Variants in GRIN1 observed in about 807,000 individuals in gnomAD.
GRIN1 encodes the protein glutamate receptor ionotropic, NMDA 1.
Under a neutral mutation model 103.0 loss-of-function variants are expected in GRIN1, and 38 were observed. That is an observed-to-expected ratio of 0.37 (90% CI 0.28 to 0.48). The LOEUF (loss-of-function observed/expected upper bound fraction) is 0.48. Ranked by LOEUF, GRIN1 falls within the 20% of genes least tolerant of loss-of-function variation. GRIN1 has a pLI of 0.98. For missense variants in GRIN1, 577 were observed against 1,288.9 expected (o/e 0.45, Z 8.46); for synonymous variants, 544 against 532.7 (o/e 1.02, Z -0.29).
intron 4 of GRIN1, among the ~76,000 whole-genome samples, chr9:137,150,220 G>C (rs1453389125): frequency 1.3e-5 from 2 of 152,230 alleles, no homozygotes; most frequent in African/African-American, 4.8e-5. Flanking sequence ...GGGAGGGTTG[G>C]CCTGGGCTCC....
rs149743664 is a variant in GRIN1, at chr9:137,146,031, G to A, written c.570+129G>A. 128 of 694,204 alleles carry A rather than the reference G, an allele frequency of 1.8e-4. No individual in the cohort carries two copies. Among genetic ancestry groups the A allele is most frequent in the Non-Finnish European group, 9.8e-5 (40 of 406,946 alleles). 43.0% of individuals were successfully genotyped at this position (694,204 alleles called of 1,614,324 possible). The stretch of plus-strand genomic sequence containing the variant: ...CATGGTCAGCACCACCACGTCTGGC[G>A]AGCGCCCGCCCCAGCCTGTCCTCGG... On this transcript the variant is annotated intron_variant, in intron 3 of 19. Coordinates refer to ENST00000371561, the MANE Select transcript of GRIN1 (RefSeq NM_007327.4). The surrounding 1 kb of genome is among the most constrained non-coding windows in gnomAD (Gnocchi z 6.7).
chr9:137,148,051 C>T (rs375127823), intron 3 of GRIN1: 2 of 750,714 alleles, frequency 2.7e-6, no homozygotes, highest in African/African-American at 1.8e-5. Flanking sequence ...CGTCTGCAGA[C>T]GTGCCGAGGA....
intron 4 of GRIN1, among the ~76,000 whole-genome samples, chr9:137,150,687 GA>G (rs749479976): frequency 4.0e-5 from 5 of 124,476 alleles, no homozygotes; most frequent in African/African-American, 9.3e-5. Context: ...GCCCCGCCCA[GA>G]AAAAAAGACC....
intron 4 of GRIN1, among the ~76,000 whole-genome samples, chr9:137,150,553 C>A (rs1832790053): frequency 6.8e-6 from 1 of 146,250 alleles, no homozygotes; most frequent in Non-Finnish European, 1.5e-5. Context: ...GAAAGCCCAG[C>A]CCAGAAAAAA....
Position 137,139,705 on chromosome 9 carries a change from G to A in GRIN1, c.219G>A (p.Gln73=). The change falls in exon 1 of 20, where the codon CAG becomes CAA. Residue 73 remains glutamine (Q), a synonymous_variant. Coordinates refer to ENST00000371561, the MANE Select transcript of GRIN1 (RefSeq NM_007327.4). The surrounding 1 kb of genome is among the most constrained non-coding windows in gnomAD (Gnocchi z 7.7). ...TSVTHKPNAI[Q]MALSVCEDLI... is the part of the protein sequence containing the mutation. ...TCACGCACAAGCCCAACGCCATCCA[G>A]ATGGCTCTGTCGGTGTGCGAGGACC... 1 of 1,613,938 alleles carries A rather than the reference G, an allele frequency of 6.2e-7. No individual in the cohort carries two copies. Among genetic ancestry groups the A allele is most frequent in the South Asian group, 1.1e-5 (1 of 91,080 alleles).
chr9:137,166,161 C>T (rs868196577), intron 19 of GRIN1, among the ~76,000 whole-genome samples: 4 of 152,182 alleles, frequency 2.6e-5, no homozygotes, highest in African/African-American at 4.8e-5. Flanking sequence ...GGAAGGGAAA[C>T]GACCACCTCA....
chr9:137,158,302 A>C (rs1001302691), intron 6 of GRIN1, 77 bp from the exon 7 acceptor site: 3 of 1,504,492 alleles, frequency 2.0e-6, no homozygotes, highest in African/African-American at 2.7e-5. Flanking sequence ...AGCAGGGAGA[A>C]GCAGCAGGGG....
rs943962210 is a variant in GRIN1, at chr9:137,158,836, C to A, written c.1197+132C>A. 20 of 720,510 alleles carry A rather than the reference C, an allele frequency of 2.8e-5. No homozygotes were observed. The Admixed American group carries it at 3.7e-4, about 13-fold the overall frequency. 44.6% of individuals were successfully genotyped at this position (720,510 alleles called of 1,614,324 possible). ...GAAGTGGGGGTGGGGCCTGCTTCCC[C>A]TGGACACCGTCCAGCACACCTGGCA... is the stretch of plus-strand genomic sequence containing the variant. On this transcript the variant is annotated intron_variant, in intron 8 of 19. Transcript: ENST00000371561.
chr9:137,154,416 C>T (rs1442909946), intron 4 of GRIN1, among the ~76,000 whole-genome samples: 1 of 145,792 alleles, frequency 6.9e-6, no homozygotes, highest in Admixed American at 7.0e-5. Context: ...TCAGCCACCA[C>T]CCCCAGCTCC....
At position 137,139,791 on chromosome 9, in the gene GRIN1, G is replaced by A; in HGVS notation, c.258+47G>A. Reference sequence around the variant, plus strand: ...ACCCACCTCCCCTCTCCTCCATCCTGCAACCCCACACCCCCAGTTTCATTC... The same window carrying A: ...ACCCACCTCCCCTCTCCTCCATCCTACAACCCCACACCCCCAGTTTCATTC... On this transcript the variant is annotated intron_variant, in intron 1 of 19. Coordinates refer to ENST00000371561, the MANE Select transcript of GRIN1 (RefSeq NM_007327.4). The surrounding 1 kb of genome is among the most constrained non-coding windows in gnomAD (Gnocchi z 7.7). 2 of 1,409,596 alleles carry A rather than the reference G, an allele frequency of 1.4e-6. No individual in the cohort carries two copies. The highest frequency in any genetic ancestry group is 2.0e-6 in the Non-Finnish European group (2 of 999,966). The allele number at this position is 1,409,596 out of a possible 1,614,324, so 87.3% of individuals were successfully genotyped here.
rs561870080 is a variant in GRIN1 at position 137,141,327 on chromosome 9, C to T, written c.259-686C>T. Among the ~76,000 whole-genome samples, 95 of 152,258 alleles carry T rather than the reference C, an allele frequency of 6.2e-4. 1 individual carries two copies. In the South Asian group the frequency reaches 0.012, roughly 20 times the overall value. ...TTGGGAGGCTGGGGAGAGAGGGAGG[C>T]ATCAGCTCCAGGGGGCTGAGCCGCT... On this transcript the variant is annotated intron_variant, in intron 1 of 19. Transcript: ENST00000371561.
At position 137,146,534 on chromosome 9, in the gene GRIN1, G is replaced by A. The variant is rs1177245111; in HGVS notation, c.570+632G>A. ...AAGACCCATTAGCCACCTGGTTCTA[G>A]GACACACTGACCCCCAACACAGCCA... On this transcript the variant is annotated intron_variant, in intron 3 of 19. Transcript: ENST00000371561. This position sits in a 1 kb window ranked among gnomAD's most constrained non-coding sequence, Gnocchi z 6.7. 6.6e-6 allele frequency among the ~76,000 whole-genome samples: 1 copy of A among 152,190 alleles called. No homozygotes were observed. The highest frequency in any genetic ancestry group is 1.5e-5 in the Non-Finnish European group (1 of 68,026).
At position 137,146,190 on chromosome 9, in the gene GRIN1, C is replaced by T. The variant is rs1832519649; in HGVS notation, c.570+288C>T. Among the ~76,000 whole-genome samples, 2 of 152,126 alleles carry T rather than the reference C, an allele frequency of 1.3e-5. No homozygotes were observed. The highest frequency in any genetic ancestry group is 4.1e-4 in the South Asian group (2 of 4,834). On this transcript the variant is annotated intron_variant, in intron 3 of 19. Coordinates refer to ENST00000371561, the MANE Select transcript of GRIN1 (RefSeq NM_007327.4). The surrounding 1 kb of genome is among the most constrained non-coding windows in gnomAD (Gnocchi z 6.7). ...GAGCGCCCTCGTCCCCTCCTCCTGC[C>T]CATGCCCCTCGCTCCCTGGAGGCCC...
intron 2 of GRIN1, among the ~76,000 whole-genome samples, chr9:137,144,543 TA>T: frequency 6.6e-6 from 1 of 151,662 alleles, no homozygotes; most frequent in Non-Finnish European, 1.5e-5. Flanking sequence ...TAGTCTCAGC[TA>T]CTTGGGAGGC....
rs111537296 is a variant in GRIN1 at position 137,146,855 on chromosome 9, G to A, written c.570+953G>A. 5.3e-5 allele frequency among the ~76,000 whole-genome samples: 8 copies of A among 152,106 alleles called. No homozygotes were observed. Among genetic ancestry groups the A allele is most frequent in the South Asian group, 2.1e-4 (1 of 4,834 alleles). On this transcript the variant is annotated intron_variant, in intron 3 of 19. Transcript: ENST00000371561. This position sits in a 1 kb window ranked among gnomAD's most constrained non-coding sequence, Gnocchi z 6.7. ...CACCCCCCAAGGCACCCCAGGCCCC[G>A]GGAGGGACCAGAGGGCATGGGTCGG...
rs1833819214 is a variant in GRIN1 at position 137,165,452 on chromosome 9, G to A, written c.2700+156G>A. The A allele has an allele frequency of 7.3e-6, 5 of 682,260 alleles. No individual in the cohort carries two copies. The East Asian group carries it at 8.1e-5, about 11-fold the overall frequency. 42.3% of individuals were successfully genotyped at this position (682,260 alleles called of 1,614,324 possible). ...CCGCTCTGCCCAGCCCGCCCATGCT[G>A]CTCTCTCTCACTCTCTGGACCTTTC... On this transcript the variant is annotated intron_variant, in intron 19 of 19. Coordinates refer to ENST00000371561, the MANE Select transcript of GRIN1 (RefSeq NM_007327.4).
chr9:137,161,498 G>T, intron 10 of GRIN1, 82 bp downstream of exon 10: 1 of 1,364,700 alleles, frequency 7.3e-7, no homozygotes, highest in South Asian at 1.2e-5. Context: ...GGAGTAGGCG[G>T]GGCTTGCAGA....
chr9:137,142,177 G>A (rs758327327), intron 2 of GRIN1, 30 bp downstream of exon 2: 61 of 1,612,298 alleles, frequency 3.8e-5, no homozygotes, highest in Admixed American at 6.7e-5. Context: ...CAGGCCTTCC[G>A]GCCCTCGGCC....
chr9:137,153,488 G>T (rs538413404), intron 4 of GRIN1, among the ~76,000 whole-genome samples: 1 of 151,156 alleles, frequency 6.6e-6, no homozygotes, highest in South Asian at 2.1e-4. Flanking sequence ...ATCATGTACA[G>T]GTCATACACA....
Sources: allele counts gnomAD v4.1 joint callset (sites outside exome capture counted in the v4.1 genomes callset), GRCh38; gene constraint gnomAD v4.1.1; non-coding constraint Gnocchi (gnomAD v3.1); transcripts MANE v1.5; gene names NCBI Gene and HGNC (gene_info 2026-07-23, HGNC 2026-07-21).